Variants in CD33 observed in about 807,000 individuals in gnomAD.
The protein encoded by CD33 is myeloid cell surface antigen CD33.
Under a neutral mutation model 31.4 loss-of-function variants are expected in CD33, and 25 were observed. The observed-to-expected ratio is 0.80, with a 90% CI of 0.58 to 1.11. The LOEUF is 1.11. Among genes scored for constraint, CD33 ranks in the 50% most tolerant of loss-of-function variants. The pLI, the probability that CD33 is intolerant of heterozygous loss-of-function variation, is 0.00. For missense variants in CD33, 407 were observed against 448.1 expected, an observed-to-expected ratio of 0.91 and a Z score of 0.83; for synonymous variants, 176 against 180.6, an observed-to-expected ratio of 0.97 and a Z score of 0.20.
rs369307221 is a variant in CD33, at chr19:51,225,269, C to T, written c.89C>T (p.Thr30Met). 7.0e-5 allele frequency: 113 copies of T among 1,613,888 alleles called. No individual in the cohort carries two copies. Among genetic ancestry groups the T allele is most frequent in the Non-Finnish European group, 8.5e-5 (100 of 1,179,940 alleles). Residue 30 changes from threonine to methionine, a missense_variant, in exon 2 of 7, where the codon ACG becomes ATG. Coordinates refer to ENST00000262262, the MANE Select transcript of CD33 (RefSeq NM_001772.4). ...NFWLQVQESV[T>M]VQEGLCVLVP... ...TGGCTGCAAGTGCAGGAGTCAGTGA[C>T]GGTACAGGAGGGTTTGTGCGTCCTC...
the CD33 span, among the ~76,000 whole-genome samples, chr19:51,217,856 C>A: frequency 1.3e-5 from 2 of 152,190 alleles, no homozygotes; most frequent in Non-Finnish European, 2.9e-5. Flanking sequence ...AACCATGTTG[C>A]TTGAAAAGAC....
At chr19:51,235,310 TAGAAGGG>T in intron 5 of CD33, 57 bp downstream of exon 5, 1 of 1,508,528 alleles carries the variant, frequency 6.6e-7, no homozygotes, top group South Asian at 1.1e-5. Flanking sequence ...GGACCTGGTG[TAGAAGGG>T]TCCTGGAGGG....
chr19:51,213,641 A>G, the CD33 span, among the ~76,000 whole-genome samples: 1 of 151,244 alleles, frequency 6.6e-6, no homozygotes, highest in East Asian at 1.9e-4. Context: ...AGTCCAAGCA[A>G]TTCTCGTGCC....
At chr19:51,225,631 GA>G in intron 2 of CD33, 33 bp downstream of exon 2, 1 of 1,538,704 alleles carries the variant, frequency 6.5e-7, no homozygotes, top group Non-Finnish European at 8.7e-7. Context: ...GGCCGCAAGG[GA>G]AGTTCATGGG....
chr19:51,218,832 G>GT, the CD33 span, among the ~76,000 whole-genome samples: 1 of 152,162 alleles, frequency 6.6e-6, no homozygotes, highest in Non-Finnish European at 1.5e-5. Flanking sequence ...TCAGGTAGCT[G>GT]TAAGTATATG....
At chr19:51,217,146 A>T in the CD33 span, among the ~76,000 whole-genome samples, 402 of 152,262 alleles carry the variant, frequency 2.6e-3, 3 homozygotes, top group African/African-American at 9.2e-3. Context: ...AGCAGGCCTG[A>T]GCGGGTCAAG....
chr19:51,226,558 C>G (rs1364221931), intron 4 of CD33, among the ~76,000 whole-genome samples: 2 of 152,142 alleles, frequency 1.3e-5, no homozygotes, highest in Admixed American at 6.5e-5. Flanking sequence ...CTTTGTCTCC[C>G]TCCTGTCTCT....
chr19:51,228,319 G>A (rs570592986), intron 4 of CD33, among the ~76,000 whole-genome samples: 1 of 152,240 alleles, frequency 6.6e-6, no homozygotes, highest in East Asian at 1.9e-4. Context: ...TATTTTGATA[G>A]AGCCAGGTTT....
the CD33 span, chr19:51,211,236 G>T: frequency 8.3e-6 from 13 of 1,568,550 alleles, no homozygotes; most frequent in Non-Finnish European, 1.7e-6. Context: ...CAAAAATCCG[G>T]CTGCAAGTGC....
At chr19:51,217,869 G>T in the CD33 span, among the ~76,000 whole-genome samples, 1 of 152,154 alleles carries the variant, frequency 6.6e-6, no homozygotes, top group African/African-American at 2.4e-5. Context: ...GAAAAGACAT[G>T]ATTTCATTCT....
rs1213968255 is a variant in CD33, at chr19:51,239,868, C to A, written c.*180C>A. On this transcript the variant is annotated 3_prime_UTR_variant, in exon 7 of 7. Coordinates refer to ENST00000262262, the MANE Select transcript of CD33 (RefSeq NM_001772.4). Reference sequence around the variant, plus strand: ...CAAGCAGAGAGTCGTGGAATCAAATCTGTGCTCTTTCATTTGCTAAGTGTA... The same window carrying A: ...CAAGCAGAGAGTCGTGGAATCAAATATGTGCTCTTTCATTTGCTAAGTGTA... 3 of 468,032 alleles carry A rather than the reference C, an allele frequency of 6.4e-6. No homozygotes were observed. The highest frequency in any genetic ancestry group is 3.5e-5 in the East Asian group (1 of 28,510). 29.0% of individuals were successfully genotyped at this position (468,032 alleles called of 1,614,324 possible). A position where few individuals can be genotyped will look rare whatever the true frequency, so the allele number is the denominator to read the frequency against.
At chr19:51,226,506 G>T in intron 4 of CD33, 150 bp downstream of exon 4, 1 of 632,300 alleles carries the variant, frequency 1.6e-6, no homozygotes, top group South Asian at 1.9e-5. Context: ...AGGATATTTG[G>T]GGATGACTAG....
rs751281731 is a variant in CD33, at chr19:51,226,023, G to C, written c.639G>C (p.Gln213His). The change falls in exon 3 of 7, where the codon CAG (glutamine) becomes CAC (histidine). Residue 213 changes from glutamine (Q) to histidine (H), a missense_variant. Gln to His is a conservative substitution (Grantham distance 24). Coordinates refer to ENST00000262262, the MANE Select transcript of CD33 (RefSeq NM_001772.4). ...PQDHGTNLTC[Q>H]VKFAGAGVTT... ...ACCACGGCACCAACCTGACCTGTCA[G>C]GTGAAGTTCGCTGGAGCTGGTGTGA... The C allele has an allele frequency of 1.2e-6, 2 of 1,614,114 alleles. No individual in the cohort carries two copies. Among genetic ancestry groups the C allele is most frequent in the East Asian group, 4.5e-5 (2 of 44,862 alleles).
the CD33 span, among the ~76,000 whole-genome samples, chr19:51,219,737 G>A: frequency 6.6e-6 from 1 of 152,280 alleles, no homozygotes; most frequent in South Asian, 2.1e-4. Flanking sequence ...ACCATGAAGA[G>A]ATGTTGGATT....
chr19:51,212,092 C>A, the CD33 span: 1 of 684,788 alleles, frequency 1.5e-6, no homozygotes, highest in Non-Finnish European at 2.5e-6. Flanking sequence ...GCCAGGACGC[C>A]TGGGTCCCTG....
At chr19:51,234,736 T>G (rs1354106) in intron 4 of CD33, among the ~76,000 whole-genome samples, 57,470 of 151,936 alleles carry the variant, frequency 0.38, 11,354 homozygotes, top group Admixed American at 0.49. Flanking sequence ...AGGCCCTTTT[T>G]AAGGCCAAAA....
At chr19:51,214,425 T>C in the CD33 span, among the ~76,000 whole-genome samples, 13 of 150,536 alleles carry the variant, frequency 8.6e-5, no homozygotes, top group Admixed American at 1.3e-4. Flanking sequence ...CTCGAATTTC[T>C]GACCTCGTGA....
At chr19:51,216,221 C>CGTGTGT in the CD33 span, among the ~76,000 whole-genome samples, 8,609 of 140,570 alleles carry the variant, frequency 0.061, 414 homozygotes, top group Non-Finnish European at 0.076. Context: ...AAATGTCACC[C>CGTGTGT]GAGTGTGTGT....
chr19:51,212,430 C>T, the CD33 span, among the ~76,000 whole-genome samples: 2 of 152,152 alleles, frequency 1.3e-5, no homozygotes, highest in African/African-American at 2.4e-5. Flanking sequence ...CTCATCCTGA[C>T]CTCACCTCAT....
Sources: allele counts gnomAD v4.1 joint callset (sites outside exome capture counted in the v4.1 genomes callset), GRCh38; gene constraint gnomAD v4.1.1; transcripts MANE v1.5; gene names NCBI Gene and HGNC (gene_info 2026-07-23, HGNC 2026-07-21).